The following HIVEP3 variants were observed in gnomAD, a reference collection of about 807,000 sequenced individuals.
HIVEP3 encodes the protein transcription factor HIVEP3.
HIVEP3 carries 49 observed loss-of-function variants against 152.8 expected under a neutral mutation model. The observed-to-expected ratio is 0.32, with a 90% confidence interval of 0.26 to 0.41. HIVEP3 has a LOEUF of 0.41. Among genes scored for constraint, HIVEP3 ranks in the 10% least tolerant of loss-of-function variants. The pLI, the probability that HIVEP3 is intolerant of heterozygous loss-of-function variation, is 1.00. For missense variants in HIVEP3, 2,790 were observed against 3,103.3 expected (o/e 0.90, Z 2.40); for synonymous variants, 1,269 against 1,289.0 (o/e 0.98, Z 0.33).
At chr1:41,550,088 C>G (rs1277824639) in intron 5 of HIVEP3, among the ~76,000 whole-genome samples, 2 of 152,202 alleles carry the variant, frequency 1.3e-5, no homozygotes. Flanking sequence ...CAGCTTTCTA[C>G]ATAGGGCTAG....
At position 41,672,537 on chromosome 1, in the gene HIVEP3, C is replaced by T. The variant is rs531988647; in HGVS notation, c.-721+28379G>A. 5.9e-5 allele frequency among the ~76,000 whole-genome samples: 9 copies of T among 152,374 alleles called. No individual in the cohort carries two copies. In the South Asian group the frequency reaches 1.9e-3, roughly 32 times the overall value. On this transcript the variant is annotated intron_variant, in intron 2 of 8. Transcript: ENST00000372583. ...TTCTCTGAGCTAAGGACTTTCTACA[C>T]ATCACCTTGCTTTATCCCCCAACAA...
At chr1:41,806,600 C>T (rs937411263) in intron 1 of HIVEP3, among the ~76,000 whole-genome samples, 3 of 152,274 alleles carry the variant, frequency 2.0e-5, no homozygotes, top group Non-Finnish European at 4.4e-5. Context: ...GATCTCCACC[C>T]GGCACATGGC....
intron 5 of HIVEP3, among the ~76,000 whole-genome samples, chr1:41,527,118 T>C (rs2149055761): frequency 3.4e-5 from 2 of 59,506 alleles, no homozygotes; most frequent in Admixed American, 1.7e-4. Context: ...TCACACACCC[T>C]CTTCCTCACA....
chr1:41,750,013 G>A (rs1337345135), intron 1 of HIVEP3, among the ~76,000 whole-genome samples: 1 of 152,194 alleles, frequency 6.6e-6, no homozygotes, highest in Non-Finnish European at 1.5e-5. Flanking sequence ...TCTGAGCCCT[G>A]AGCAGCACCA....
intron 1 of HIVEP3, among the ~76,000 whole-genome samples, chr1:42,027,304 C>T (rs756530684): frequency 2.6e-5 from 4 of 152,206 alleles, no homozygotes; most frequent in Non-Finnish European, 5.9e-5. Flanking sequence ...GTCCAAGCCA[C>T]AACTGTATTT....
chr1:41,860,851 T>C (rs1474792684), intron 1 of HIVEP3, among the ~76,000 whole-genome samples: 2 of 152,226 alleles, frequency 1.3e-5, no homozygotes, highest in African/African-American at 4.8e-5. Flanking sequence ...CTAATTTTCC[T>C]GTGGGCACAC....
At chr1:41,729,192 G>A (rs1347285611) in intron 1 of HIVEP3, among the ~76,000 whole-genome samples, 4 of 152,326 alleles carry the variant, frequency 2.6e-5, no homozygotes, top group Non-Finnish European at 4.4e-5. Flanking sequence ...GATCCTGGGG[G>A]AAGCAGAGAG....
chr1:41,581,391 TTCTCA>T lies in HIVEP3; in HGVS notation c.3402_3406del (p.His1134GlnfsTer20), dbSNP rs1558082593. 1 of 1,610,244 alleles carries T rather than the reference TTCTCA, an allele frequency of 6.2e-7. No homozygotes were observed. Among genetic ancestry groups the T allele is most frequent in the Non-Finnish European group, 8.5e-7 (1 of 1,178,244 alleles). ...GGAGACTGGTGGGGGCAGGTATGGC[TTCTCA>T]TGCAGGGGTGTCTGGGCAACGGGGT... On this transcript the variant is annotated frameshift_variant, in exon 4 of 9. Transcript: ENST00000372583. LOFTEE classifies it high-confidence loss of function. The surrounding 1 kb of genome is among the most constrained non-coding windows in gnomAD (Gnocchi z 4.5).
At chr1:41,643,770 G>T (rs1201786231) in intron 2 of HIVEP3, among the ~76,000 whole-genome samples, 2 of 152,066 alleles carry the variant, frequency 1.3e-5, no homozygotes, top group East Asian at 1.9e-4. Context: ...AGAAGGAGGG[G>T]AAGGAAAGTG....
chr1:41,871,334 C>A (rs1368928260), intron 1 of HIVEP3, among the ~76,000 whole-genome samples: 1 of 151,834 alleles, frequency 6.6e-6, no homozygotes, highest in Non-Finnish European at 1.5e-5. Context: ...CAGTGCCCAG[C>A]ACAATGACGA....
intron 1 of HIVEP3, among the ~76,000 whole-genome samples, chr1:41,900,012 A>C (rs1018889449): frequency 2.4e-4 from 37 of 152,328 alleles, no homozygotes; most frequent in Non-Finnish European, 4.7e-4. Flanking sequence ...GCCCTAAAGC[A>C]GATTTATTGG....
intron 2 of HIVEP3, among the ~76,000 whole-genome samples, chr1:41,699,121 G>A (rs772241629): frequency 1.2e-4 from 19 of 152,194 alleles, no homozygotes; most frequent in Non-Finnish European, 2.1e-4. Flanking sequence ...TCACTCCATC[G>A]CAGGGCTGAG....
At chr1:41,688,356 G>A (rs994305306) in intron 2 of HIVEP3, among the ~76,000 whole-genome samples, 2 of 152,244 alleles carry the variant, frequency 1.3e-5, no homozygotes, top group African/African-American at 2.4e-5. Flanking sequence ...TATGGGGCAA[G>A]AGAATGAACG....
chr1:41,574,243 G>C (rs1644293909), intron 5 of HIVEP3, among the ~76,000 whole-genome samples: 1 of 152,084 alleles, frequency 6.6e-6, no homozygotes, highest in Non-Finnish European at 1.5e-5. Flanking sequence ...GCCTCTAAGG[G>C]ATCCAGTGGC....
chr1:41,957,101 C>T (rs1645144297), intron 1 of HIVEP3, among the ~76,000 whole-genome samples: 2 of 152,144 alleles, frequency 1.3e-5, no homozygotes, highest in Admixed American at 6.5e-5. Context: ...CATCCTTACT[C>T]AATAGCACCA....
At chr1:42,001,179 A>G (rs1645426034) in intron 1 of HIVEP3, among the ~76,000 whole-genome samples, 2 of 152,172 alleles carry the variant, frequency 1.3e-5, no homozygotes, top group South Asian at 4.1e-4. Context: ...GCAAGGGAAC[A>G]GGAAAAAAGG....
At chr1:42,014,679 G>A (rs77761569) in intron 1 of HIVEP3, among the ~76,000 whole-genome samples, 2,464 of 152,260 alleles carry the variant, frequency 0.016, 63 homozygotes, top group African/African-American at 0.057. Flanking sequence ...CAATGAAGCT[G>A]AAGTTACTGA....
At chr1:42,002,431 C>G (rs894630808) in intron 1 of HIVEP3, among the ~76,000 whole-genome samples, 2 of 152,324 alleles carry the variant, frequency 1.3e-5, no homozygotes, top group Middle Eastern at 3.4e-3. Flanking sequence ...CATCTGCCCA[C>G]ATGACACCTC....
rs776770813 is a variant in HIVEP3, at chr1:41,583,916, G to A, written c.882C>T (p.His294=). The A allele has an allele frequency of 1.2e-6, 2 of 1,614,136 alleles. No homozygotes were observed. Among genetic ancestry groups the A allele is most frequent in the Middle Eastern group, 1.6e-4 (1 of 6,062 alleles). ...SEEETSATSG[H]PAELSPRPKQ... is the part of the protein sequence containing the mutation. Reference sequence around the variant, plus strand: ...TGGGTCTTGGGGAGAGCTCTGCAGGGTGACCAGAGGTGGCACTAGTCTCCT... The same window carrying A: ...TGGGTCTTGGGGAGAGCTCTGCAGGATGACCAGAGGTGGCACTAGTCTCCT... Residue 294 remains histidine, a synonymous_variant, in exon 4 of 9, where the codon CAC becomes CAT. Coordinates refer to ENST00000372583, the MANE Select transcript of HIVEP3 (RefSeq NM_024503.5). This position sits in a 1 kb window ranked among gnomAD's most constrained non-coding sequence, Gnocchi z 6.9.
Sources: allele counts gnomAD v4.1 joint callset (sites outside exome capture counted in the v4.1 genomes callset), GRCh38; gene constraint gnomAD v4.1.1; non-coding constraint Gnocchi (gnomAD v3.1); transcripts MANE v1.5; gene names NCBI Gene and HGNC (gene_info 2026-07-23, HGNC 2026-07-21).